The following PAAF1 variants were observed in gnomAD, a reference collection of about 807,000 sequenced individuals.
PAAF1 encodes proteasomal ATPase-associated factor 1.
A neutral mutation model predicts 52.8 loss-of-function variants in PAAF1; 46 were observed. The observed-to-expected ratio is 0.87, with a 90% CI of 0.69 to 1.11. PAAF1 has a LOEUF of 1.11. Ranked by LOEUF, PAAF1 falls within the 50% of genes most tolerant of loss-of-function variation. The pLI is 0.00. For missense variants in PAAF1, 424 were observed against 477.4 expected, an observed-to-expected ratio of 0.89 and a Z score of 1.04; for synonymous variants, 178 against 172.8, an observed-to-expected ratio of 1.03 and a Z score of -0.24.
intron 4 of PAAF1, among the ~76,000 whole-genome samples, chr11:73,898,231 AGGGAG>A (rs1451165645): frequency 3.5e-5 from 5 of 140,964 alleles, no homozygotes; most frequent in Non-Finnish European, 7.8e-5. Context: ...GGAGAGGGAG[AGGGAG>A]AGGGAGAGGG....
At chr11:73,890,318 A>C (rs1278296325) in intron 3 of PAAF1, among the ~76,000 whole-genome samples, 1 of 152,164 alleles carries the variant, frequency 6.6e-6, no homozygotes, top group Non-Finnish European at 1.5e-5. Context: ...TCTTACCTAA[A>C]ATGGTTACAA....
chr11:73,878,461 T>G (rs1032893609), intron 1 of PAAF1, among the ~76,000 whole-genome samples: 1 of 152,232 alleles, frequency 6.6e-6, no homozygotes, highest in South Asian at 2.1e-4. Flanking sequence ...GGAAAGTGCT[T>G]AGCACAGGGC....
intron 2 of PAAF1, among the ~76,000 whole-genome samples, chr11:73,883,618 G>C (rs553722696): frequency 1.3e-5 from 2 of 152,048 alleles, no homozygotes; most frequent in East Asian, 3.9e-4. Flanking sequence ...CCAGGTTCAA[G>C]TGATTTTTGT....
intron 7 of PAAF1, among the ~76,000 whole-genome samples, chr11:73,910,338 T>A (rs112915411): frequency 6.6e-6 from 1 of 152,116 alleles, no homozygotes; most frequent in Non-Finnish European, 1.5e-5. Flanking sequence ...AGAGGATAAG[T>A]TGAAGTTGAA....
intron 10 of PAAF1, chr11:73,922,299 C>G: frequency 2.1e-6 from 1 of 480,484 alleles, no homozygotes; most frequent in South Asian, 1.8e-5. Context: ...TGTCTAAAGG[C>G]AAAGGGAGTA....
At position 73,929,073 on chromosome 11, in the gene PAAF1, CAG is replaced by C. The variant is rs1481765071; in HGVS notation, c.*1712_*1713del. On this transcript the variant is annotated 3_prime_UTR_variant, in exon 12 of 12. Coordinates refer to ENST00000310571, the MANE Select transcript of PAAF1 (RefSeq NM_025155.3). ...CATGTAAATTTTTTTTTTTTAAAGA[CAG>C]GGTCTTGCTCTGTTGCCCAGGCTGG... 1 of 151,720 alleles carries C rather than the reference CAG, an allele frequency of 6.6e-6. No homozygotes were observed. Among genetic ancestry groups the C allele is most frequent in the East Asian group, 1.9e-4 (1 of 5,174 alleles). 9.4% of individuals were successfully genotyped at this position (151,720 alleles called of 1,614,324 possible).
chr11:73,912,834 T>C (rs1949968075), intron 7 of PAAF1, among the ~76,000 whole-genome samples: 1 of 152,114 alleles, frequency 6.6e-6, no homozygotes, highest in East Asian at 1.9e-4. Context: ...AGGCCTTCAG[T>C]TTCTTCTTTC....
chr11:73,906,119 G>T (rs949764632), intron 6 of PAAF1, among the ~76,000 whole-genome samples: 14 of 152,142 alleles, frequency 9.2e-5, no homozygotes, highest in Admixed American at 4.6e-4. Context: ...AACCATATGG[G>T]CTTGATAGAT....
chr11:73,891,894 T>A (rs1949211994), intron 4 of PAAF1, among the ~76,000 whole-genome samples: 1 of 152,244 alleles, frequency 6.6e-6, no homozygotes, highest in African/African-American at 2.4e-5. Context: ...CATTGAGGAA[T>A]AATTTTCAAA....
chr11:73,881,234 T>C (rs570900439), intron 2 of PAAF1, among the ~76,000 whole-genome samples: 7 of 152,320 alleles, frequency 4.6e-5, no homozygotes, highest in Admixed American at 1.3e-4. Flanking sequence ...CTGGGGTTTA[T>C]ATTTTTTTAG....
At chr11:73,895,764 T>A (rs1196024725) in intron 4 of PAAF1, among the ~76,000 whole-genome samples, 1 of 152,178 alleles carries the variant, frequency 6.6e-6, no homozygotes, top group East Asian at 1.9e-4. Flanking sequence ...TATAAAAGAT[T>A]TGTTATTCTG....
intron 2 of PAAF1, among the ~76,000 whole-genome samples, chr11:73,883,343 G>A (rs763662175): frequency 6.6e-6 from 1 of 151,978 alleles, no homozygotes; most frequent in African/African-American, 2.4e-5. Context: ...ATTATTTCTA[G>A]TATCACCCCC....
chr11:73,889,131 C>T, intron 3 of PAAF1: 1 of 1,426,096 alleles, frequency 7.0e-7, no homozygotes, highest in Non-Finnish European at 9.5e-7. Context: ...GGTGTTTTGG[C>T]ACAGCCTGGG....
intron 11 of PAAF1, among the ~76,000 whole-genome samples, 195 bp from the exon 12 acceptor site, chr11:73,927,090 A>G (rs1406125868): frequency 1.3e-5 from 2 of 152,104 alleles, no homozygotes; most frequent in East Asian, 3.9e-4. Flanking sequence ...GTGCATCCCA[A>G]CCATTGGTGA....
In PAAF1 at chr11:73,914,588, A is replaced by C. The variant is rs974468296; in HGVS notation, c.819+84A>C. 31 of 1,118,460 alleles carry C rather than the reference A, an allele frequency of 2.8e-5. No homozygotes were observed. The East Asian group carries it at 7.4e-4, about 27-fold the overall frequency. The allele number at this position is 1,118,460 out of a possible 1,614,324, so 69.3% of individuals were successfully genotyped here. A position where few individuals can be genotyped will look rare whatever the true frequency, so the allele number is the denominator to read the frequency against. On this transcript the variant is annotated intron_variant, in intron 8 of 11. Transcript: ENST00000310571. ...AGAAAGCTATTTTGGAAACATTTCTACTTGCTCCCTGTGTTCACTTTTGAG... is the reference window on the plus strand; with the variant it reads ...AGAAAGCTATTTTGGAAACATTTCTCCTTGCTCCCTGTGTTCACTTTTGAG...
At chr11:73,918,800 G>C in intron 9 of PAAF1, 150 bp from the exon 10 acceptor site, 1 of 644,438 alleles carries the variant, frequency 1.6e-6, no homozygotes, top group South Asian at 2.0e-5. Context: ...GCCAGTTAAG[G>C]TTCTTGCCAG....
chr11:73,927,270 A>C lies in PAAF1; in HGVS notation c.1102-15A>C. 6.2e-7 allele frequency: 1 copy of C among 1,607,716 alleles called. No individual in the cohort carries two copies. Among genetic ancestry groups the C allele is most frequent in the Non-Finnish European group, 8.5e-7 (1 of 1,174,232 alleles). ...ATCCCAGGCTTCCTTTGAACTGTGA[A>C]TTCTTGTGTTTTAGGTAGCCACATG... On this transcript the variant is annotated splice_polypyrimidine_tract_variant and intron_variant, in intron 11 of 11. Coordinates refer to ENST00000310571, the MANE Select transcript of PAAF1 (RefSeq NM_025155.3).
At chr11:73,906,695 A>T (rs975979838) in intron 6 of PAAF1, among the ~76,000 whole-genome samples, 7 of 152,218 alleles carry the variant, frequency 4.6e-5, no homozygotes, top group Admixed American at 2.6e-4. Flanking sequence ...TCTTAAACTC[A>T]TCTTTTTCTA....
intron 6 of PAAF1, among the ~76,000 whole-genome samples, chr11:73,902,985 A>C (rs1949666264): frequency 6.6e-6 from 1 of 152,256 alleles, no homozygotes; most frequent in Admixed American, 6.5e-5. Context: ...GGCGTGAGCC[A>C]CTGCGCCCGG....
Sources: allele counts gnomAD v4.1 joint callset (sites outside exome capture counted in the v4.1 genomes callset), GRCh38; gene constraint gnomAD v4.1.1; transcripts MANE v1.5; gene names NCBI Gene and HGNC (gene_info 2026-07-23, HGNC 2026-07-21).